DSC2: variants seen among roughly 807,000 people sequenced by gnomAD.
The protein encoded by DSC2 is desmocollin-2.
Under a neutral mutation model 87.6 loss-of-function variants are expected in DSC2, and 51 were observed. That is an observed-to-expected ratio of 0.58 (90% CI 0.46 to 0.74). The LOEUF is 0.74. Among genes scored for constraint, DSC2 ranks in the 30% least tolerant of loss-of-function variants. DSC2 has a pLI of 0.00. For synonymous variants in DSC2, 383 were observed against 393.2 expected, an observed-to-expected ratio of 0.97 and a Z score of 0.31; for missense variants, 1,066 against 1,089.5, an observed-to-expected ratio of 0.98 and a Z score of 0.30.
At position 31,082,439 on chromosome 18, in the gene DSC2, C is replaced by A; in HGVS notation, c.1078-16G>T. 6.2e-7 allele frequency: 1 copy of A among 1,610,850 alleles called. No individual in the cohort carries two copies. On this transcript the variant is annotated splice_polypyrimidine_tract_variant and intron_variant, in intron 8 of 15. Transcript: ENST00000280904. ...ATGTCACATACTAAAATAATAAAAG[C>A]AAACAAAAAATTTCGTTAGTAACTC...
At chr18:31,091,551 G>A in intron 3 of DSC2, 1 of 459,746 alleles carries the variant, frequency 2.2e-6, no homozygotes, top group Non-Finnish European at 4.4e-6. Flanking sequence ...GCAGAGCCAG[G>A]GAACCAACAG....
intron 1 of DSC2, among the ~76,000 whole-genome samples, chr18:31,100,406 TA>T (rs1472278803): frequency 1.3e-5 from 2 of 152,224 alleles, no homozygotes; most frequent in Admixed American, 6.5e-5. Context: ...CCGGTGGTTT[TA>T]AAAGAAATTG....
chr18:31,088,066 C>T (rs1398076183), intron 5 of DSC2, among the ~76,000 whole-genome samples: 1 of 152,070 alleles, frequency 6.6e-6, no homozygotes. Context: ...TTCATTATTG[C>T]TATACTGTTA....
intron 11 of DSC2, among the ~76,000 whole-genome samples, chr18:31,076,910 G>A (rs1324013979): frequency 6.6e-6 from 1 of 152,194 alleles, no homozygotes; most frequent in African/African-American, 2.4e-5. Context: ...AGAGATACCA[G>A]AAGATAATGG....
At chr18:31,101,351 G>A (rs1330678077) in intron 1 of DSC2, 1 of 844,132 alleles carries the variant, frequency 1.2e-6, no homozygotes, top group Non-Finnish European at 1.4e-6. Flanking sequence ...TTTCACCCAA[G>A]GACACTCGCT....
intron 5 of DSC2, among the ~76,000 whole-genome samples, chr18:31,088,152 G>C (rs1987469058): frequency 6.6e-6 from 1 of 152,106 alleles, no homozygotes; most frequent in African/African-American, 2.4e-5. Flanking sequence ...TTGTTTGAAA[G>C]GTTCAGGTGC....
At position 31,069,122 on chromosome 18, in the gene DSC2, A is replaced by G. The variant is rs1567971867; in HGVS notation, c.2280T>C (p.Thr760=). 9 of 1,614,056 alleles carry G rather than the reference A, an allele frequency of 5.6e-6. No individual in the cohort carries two copies. Residue 760 remains threonine (T), a synonymous_variant, in exon 15 of 16, where the codon ACT becomes ACC. Coordinates refer to ENST00000280904, the MANE Select transcript of DSC2 (RefSeq NM_024422.6). ...VYSANGFTTQ[T]VGASAQGVCG... ...AAACTCCCTGAGCAGAAGCGCCCAC[A>G]GTTTGGGTTGTGAAGCCATTCGCAG... is the stretch of plus-strand genomic sequence containing the variant.
intron 3 of DSC2, among the ~76,000 whole-genome samples, chr18:31,091,365 T>C: frequency 6.6e-6 from 1 of 152,046 alleles, no homozygotes; most frequent in Non-Finnish European, 1.5e-5. Flanking sequence ...GAAAATGATT[T>C]GGTGGAAATA....
intron 9 of DSC2, among the ~76,000 whole-genome samples, chr18:31,081,465 G>C (rs1987217022): frequency 6.6e-6 from 1 of 152,110 alleles, no homozygotes; most frequent in African/African-American, 2.4e-5. Flanking sequence ...GGTGAAGAAA[G>C]AGACAAGATT....
rs571129078 is a variant in DSC2 at position 31,061,629 on chromosome 18, CTTCTTTTTGTTGCCTGTTT to C, written c.*6367_*6385del. 8 of 152,258 alleles carry C rather than the reference CTTCTTTTTGTTGCCTGTTT, an allele frequency of 5.3e-5. No individual in the cohort carries two copies. The East Asian group carries it at 1.5e-3, about 29-fold the overall frequency. The allele number at this position is 152,258 out of a possible 1,614,324, so 9.4% of individuals were successfully genotyped here. A position where few individuals can be genotyped will look rare whatever the true frequency, so the allele number is the denominator to read the frequency against. ...CTGACTAGCTATTTCAAAGCTCTAG[CTTCTTTTTGTTGCCTGTTT>C]TTTAGCATTATGCTCTTTTGTTTTA... On this transcript the variant is annotated 3_prime_UTR_variant, in exon 16 of 16. Transcript: ENST00000280904.
In DSC2 at chr18:31,101,894, T is replaced by C. The variant is rs1268711423; in HGVS notation, c.69+9A>G. On this transcript the variant is annotated intron_variant, in intron 1 of 15. Transcript: ENST00000280904. ...CCTTCCCCGGAGCGGTGGCCGCGGC[T>C]ACACTCACCGCGAGGGTCAGCAGGA... is the stretch of plus-strand genomic sequence containing the variant. The C allele has an allele frequency of 2.6e-6, 4 of 1,530,802 alleles. No individual in the cohort carries two copies. In the East Asian group the frequency reaches 7.5e-5, roughly 29 times the overall value. The allele number at this position is 1,530,802 out of a possible 1,614,324, so 94.8% of individuals were successfully genotyped here. A position where few individuals can be genotyped will look rare whatever the true frequency, so the allele number is the denominator to read the frequency against.
chr18:31,083,021 T>A lies in DSC2; in HGVS notation c.982A>T (p.Met328Leu), dbSNP rs769323516. 1 of 1,613,180 alleles carries A rather than the reference T, an allele frequency of 6.2e-7. No individual in the cohort carries two copies. The highest frequency in any genetic ancestry group is 8.5e-7 in the Non-Finnish European group (1 of 1,179,760). Residue 328 changes from methionine (M) to leucine (L), a missense_variant, in exon 8 of 16, where the codon ATG (methionine) becomes TTG (leucine). Physicochemically the swap from Met to Leu is conservative, Grantham distance 15. Transcript: ENST00000280904. Reference sequence around the variant, plus strand: ...TGTAGACCAAAATACTGACCATCCATGTCTTGTACTTTTATTTTCAACTGG... The same window carrying A: ...TGTAGACCAAAATACTGACCATCCAAGTCTTGTACTTTTATTTTCAACTGG... ...KYQLKIKVQD[M>L]DGQYFGLQTT... is the part of the protein sequence containing the mutation.
At chr18:31,079,739 T>C in intron 11 of DSC2, 108 bp downstream of exon 11, 2 of 1,288,172 alleles carry the variant, frequency 1.6e-6, no homozygotes, top group East Asian at 2.3e-5. Flanking sequence ...TCAAGAGATA[T>C]GAAAACAGAG....
Position 31,087,869 on chromosome 18 carries a change from T to C in DSC2, c.631-56A>G, listed in dbSNP as rs1449550254. The C allele has an allele frequency of 1.9e-6, 3 of 1,580,696 alleles. No homozygotes were observed. The East Asian group carries it at 6.7e-5, about 35-fold the overall frequency. ...GAAAATAATCTTTTAAAATGAGGTA[T>C]GCTTCAAATTCATTTTGGCTTTAAC... On this transcript the variant is annotated intron_variant, in intron 5 of 15. Coordinates refer to ENST00000280904, the MANE Select transcript of DSC2 (RefSeq NM_024422.6).
At chr18:31,085,886 G>A (rs1300776937) in intron 7 of DSC2, among the ~76,000 whole-genome samples, 1 of 152,048 alleles carries the variant, frequency 6.6e-6, no homozygotes, top group Admixed American at 6.6e-5. Context: ...GAATTACTAA[G>A]CTAGGGTATT....
At position 31,072,581 on chromosome 18, in the gene DSC2, C is replaced by G. The variant is rs959169519; in HGVS notation, c.1889-740G>C. The stretch of plus-strand genomic sequence containing the variant: ...GACACACGTCTCTCAAACCTTATTA[C>G]GACAACAGTACATTACCTGTATGAC... On this transcript the variant is annotated intron_variant, in intron 12 of 15. Coordinates refer to ENST00000280904, the MANE Select transcript of DSC2 (RefSeq NM_024422.6). 2.0e-5 allele frequency among the ~76,000 whole-genome samples: 3 copies of G among 151,894 alleles called. No homozygotes were observed. The South Asian group carries it at 6.2e-4, about 32-fold the overall frequency.
chr18:31,087,666 C>T lies in DSC2; in HGVS notation c.775+3G>A. 2 of 1,611,080 alleles carry T rather than the reference C, an allele frequency of 1.2e-6. No homozygotes were observed. The highest frequency in any genetic ancestry group is 2.2e-5 in the South Asian group (2 of 90,964). On this transcript the variant is annotated splice_donor_region_variant and intron_variant, in intron 6 of 15. Coordinates refer to ENST00000280904, the MANE Select transcript of DSC2 (RefSeq NM_024422.6). ...GCCATATATTGTTTAAGGAGGTACT[C>T]ACCCACTCTGCAATTTTCAAAAATT...
chr18:31,089,454 C>G lies in DSC2; in HGVS notation c.615G>C (p.Gln205His). ...TAGACTTTACCTCAAAAGATTCATA[C>G]TGCTCACGATCTACAGGACGAGTAC... ...LYCTRPVDRE[Q>H]YESFEIIAFA... The change falls in exon 5 of 16, where the codon CAG becomes CAC. Residue 205 changes from glutamine (Q) to histidine (H), a missense_variant. Coordinates refer to ENST00000280904, the MANE Select transcript of DSC2 (RefSeq NM_024422.6). 1 of 1,613,822 alleles carries G rather than the reference C, an allele frequency of 6.2e-7. No individual in the cohort carries two copies. The highest frequency in any genetic ancestry group is 8.5e-7 in the Non-Finnish European group (1 of 1,179,862).
intron 1 of DSC2, among the ~76,000 whole-genome samples, chr18:31,096,442 T>C (rs567349196): frequency 7.2e-5 from 11 of 152,160 alleles, no homozygotes; most frequent in African/African-American, 2.7e-4. Flanking sequence ...CCACCTAAGA[T>C]CTAAGAGGAT....
Sources: allele counts gnomAD v4.1 joint callset (sites outside exome capture counted in the v4.1 genomes callset), GRCh38; gene constraint gnomAD v4.1.1; transcripts MANE v1.5; gene names NCBI Gene and HGNC (gene_info 2026-07-23, HGNC 2026-07-21).